The following REEP1 variants were observed in gnomAD, a reference collection of about 807,000 sequenced individuals.
REEP1 encodes receptor accessory protein 1, also known as receptor expression-enhancing protein 1.
Under a neutral mutation model 40.3 loss-of-function variants are expected in REEP1, and 22 were observed. That is an observed-to-expected ratio of 0.55 (90% CI 0.39 to 0.78). The LOEUF (loss-of-function observed/expected upper bound fraction) is 0.78. Among genes scored for constraint, REEP1 ranks in the 30% least tolerant of loss-of-function variants. The pLI, the probability that REEP1 is intolerant of heterozygous loss-of-function variation, is 0.00. For synonymous variants in REEP1, 116 were observed against 139.2 expected (o/e 0.83, Z 1.17); for missense variants, 280 against 361.1 (o/e 0.78, Z 1.82).
intron 5 of REEP1, among the ~76,000 whole-genome samples, chr2:86,244,699 T>C (rs1558883911): frequency 6.6e-6 from 1 of 152,208 alleles, no homozygotes; most frequent in Non-Finnish European, 1.5e-5. Context: ...GGTGTCCTTT[T>C]GAAGCCAGAG....
chr2:86,259,844 AG>A (rs1676762893), intron 3 of REEP1, among the ~76,000 whole-genome samples: 1 of 152,208 alleles, frequency 6.6e-6, no homozygotes, highest in Non-Finnish European at 1.5e-5. Flanking sequence ...GATCCGCCCT[AG>A]GGGAGAAGTG....
chr2:86,317,880 AT>A (rs1680093023), intron 1 of REEP1, among the ~76,000 whole-genome samples: 1 of 152,174 alleles, frequency 6.6e-6, no homozygotes, highest in Admixed American at 6.5e-5. Flanking sequence ...GCTTTTTTTC[AT>A]GGAACACCAG....
In REEP1 at chr2:86,230,968, T is replaced by G. The variant is rs146195894; in HGVS notation, c.595+1657A>C. 1.4e-4 allele frequency among the ~76,000 whole-genome samples: 22 copies of G among 152,318 alleles called. No homozygotes were observed. The East Asian group carries it at 4.1e-3, about 28-fold the overall frequency. On this transcript the variant is annotated intron_variant, in intron 6 of 8. Coordinates refer to ENST00000538924, the MANE Select transcript of REEP1 (RefSeq NM_001371279.1). ...GCTGATGCAGTGTGGAGATGAGACT[T>G]AACTCTGTTTTGTATCCCTATTTCT...
chr2:86,270,296 A>C (rs2104338790), intron 2 of REEP1, among the ~76,000 whole-genome samples: 1 of 152,296 alleles, frequency 6.6e-6, no homozygotes, highest in South Asian at 2.1e-4. Context: ...TCCCAGGCTC[A>C]AGTGATTCTC....
intron 5 of REEP1, among the ~76,000 whole-genome samples, chr2:86,237,885 A>G (rs1389053458): frequency 6.6e-6 from 1 of 152,210 alleles, no homozygotes; most frequent in Non-Finnish European, 1.5e-5. Context: ...TTTGATAAGA[A>G]GAAATAAACA....
intron 1 of REEP1, among the ~76,000 whole-genome samples, chr2:86,326,694 A>G (rs767989866): frequency 2.0e-5 from 3 of 150,698 alleles, no homozygotes; most frequent in Non-Finnish European, 4.4e-5. Context: ...CCTGGGCGAC[A>G]AGAGTAAAAC....
At chr2:86,238,249 G>C (rs1173523316) in intron 5 of REEP1, among the ~76,000 whole-genome samples, 2 of 152,274 alleles carry the variant, frequency 1.3e-5, no homozygotes, top group Admixed American at 1.3e-4. Context: ...TAATTTAATT[G>C]GCAATATTAT....
At chr2:86,266,702 C>T (rs1345570164) in intron 2 of REEP1, among the ~76,000 whole-genome samples, 1 of 150,264 alleles carries the variant, frequency 6.7e-6, no homozygotes, top group Non-Finnish European at 1.5e-5. Context: ...ACCAAAAGCA[C>T]ACACACAAAA....
intron 2 of REEP1, 144 bp downstream of exon 2, chr2:86,282,026 T>G: frequency 1.4e-6 from 1 of 718,712 alleles, no homozygotes. Flanking sequence ...AGAGGACTCC[T>G]GAGATGTCTC....
chr2:86,295,414 A>T (rs988410205), intron 1 of REEP1, among the ~76,000 whole-genome samples: 2 of 152,258 alleles, frequency 1.3e-5, no homozygotes, highest in East Asian at 3.8e-4. Flanking sequence ...CCTTTGGATA[A>T]CAATTTTTTA....
intron 1 of REEP1, among the ~76,000 whole-genome samples, chr2:86,335,690 A>G (rs1252240266): frequency 1.3e-5 from 2 of 152,066 alleles, no homozygotes; most frequent in Non-Finnish European, 2.9e-5. Flanking sequence ...CTCTACTAAA[A>G]ATACAAAAAT....
chr2:86,293,786 A>G (rs1195995210), intron 1 of REEP1, among the ~76,000 whole-genome samples: 1 of 152,206 alleles, frequency 6.6e-6, no homozygotes, highest in Non-Finnish European at 1.5e-5. Flanking sequence ...TGATTTCCCC[A>G]TCTGTTAAAA....
intron 1 of REEP1, among the ~76,000 whole-genome samples, chr2:86,336,169 T>C (rs935139884): frequency 6.6e-6 from 1 of 152,164 alleles, no homozygotes; most frequent in African/African-American, 2.4e-5. Context: ...TCATGTCGGC[T>C]CTGCCAGCAG....
chr2:86,256,058 G>A (rs1193042034), intron 3 of REEP1, among the ~76,000 whole-genome samples: 2 of 152,050 alleles, frequency 1.3e-5, no homozygotes, highest in African/African-American at 4.8e-5. Context: ...AGATAGTAAA[G>A]AACTCACTGG....
intron 1 of REEP1, among the ~76,000 whole-genome samples, chr2:86,325,703 TG>T (rs1558938318): frequency 6.6e-6 from 1 of 152,186 alleles, no homozygotes; most frequent in Non-Finnish European, 1.5e-5. Context: ...GAGTGTCCCC[TG>T]GAACTTCCAC....
rs1047930804 is a variant in REEP1, at chr2:86,216,069, G to C, written c.*970C>G. 4.6e-5 allele frequency: 7 copies of C among 152,240 alleles called. No individual in the cohort carries two copies. Among genetic ancestry groups the C allele is most frequent in the African/African-American group, 9.6e-5 (4 of 41,460 alleles). 9.4% of individuals were successfully genotyped at this position (152,240 alleles called of 1,614,324 possible). A position where few individuals can be genotyped will look rare whatever the true frequency, so the allele number is the denominator to read the frequency against. ...TTTTGCTAGAGTTCGCTAAAACAAG[G>C]TGCTCAGAGTGTAAGCTCCTCTGTC... On this transcript the variant is annotated 3_prime_UTR_variant, in exon 9 of 9. Coordinates refer to ENST00000538924, the MANE Select transcript of REEP1 (RefSeq NM_001371279.1).
At chr2:86,309,980 G>A (rs922049965) in intron 1 of REEP1, among the ~76,000 whole-genome samples, 2 of 152,280 alleles carry the variant, frequency 1.3e-5, no homozygotes, top group South Asian at 4.2e-4. Context: ...GGAGAGGGCA[G>A]GTCGTGCAGC....
chr2:86,220,236 G>A (rs2103964463), intron 7 of REEP1, 115 bp from the exon 8 acceptor site: 2 of 610,356 alleles, frequency 3.3e-6, no homozygotes, highest in Non-Finnish European at 4.8e-6. Flanking sequence ...AGGCCTGTGA[G>A]GACAGCTGAG....
Position 86,337,466 on chromosome 2 carries a change from G to A in REEP1, c.32+13C>T, listed in dbSNP as rs1276114364. Reference sequence around the variant, plus strand: ...GGAGGGGACGGAGGGGCGCGGGGGAGAAGGCCACTTACACCACCAGCCTGG... The same window carrying A: ...GGAGGGGACGGAGGGGCGCGGGGGAAAAGGCCACTTACACCACCAGCCTGG... On this transcript the variant is annotated intron_variant, in intron 1 of 8. Coordinates refer to ENST00000538924, the MANE Select transcript of REEP1 (RefSeq NM_001371279.1). The surrounding 1 kb of genome is among the most constrained non-coding windows in gnomAD (Gnocchi z 5.8). 1 of 1,279,442 alleles carries A rather than the reference G, an allele frequency of 7.8e-7. No individual in the cohort carries two copies. Among genetic ancestry groups the A allele is most frequent in the Non-Finnish European group, 9.9e-7 (1 of 1,006,866 alleles). The allele number at this position is 1,279,442 out of a possible 1,614,324, so 79.3% of individuals were successfully genotyped here. A position where few individuals can be genotyped will look rare whatever the true frequency, so the allele number is the denominator to read the frequency against.
Sources: allele counts gnomAD v4.1 joint callset (sites outside exome capture counted in the v4.1 genomes callset), GRCh38; gene constraint gnomAD v4.1.1; non-coding constraint Gnocchi (gnomAD v3.1); transcripts MANE v1.5; gene names NCBI Gene and HGNC (gene_info 2026-07-23, HGNC 2026-07-21).